The following ATP10B variants were observed in gnomAD, a reference collection of about 807,000 sequenced individuals.
The protein encoded by ATP10B is ATPase phospholipid transporting 10B (putative).
In ATP10B, 122 loss-of-function variants were observed where a neutral mutation model predicts 141.2. That is an observed-to-expected ratio of 0.86 (90% CI 0.75 to 1.00). The LOEUF (loss-of-function observed/expected upper bound fraction) is 1.00, where lower values mean the gene tolerates loss of function less well. Among genes scored for constraint, ATP10B ranks in the 50% least tolerant of loss-of-function variants. ATP10B has a pLI of 0.00. For synonymous variants in ATP10B, 685 were observed against 692.0 expected, an observed-to-expected ratio of 0.99 and a Z score of 0.16; for missense variants, 1,876 against 1,825.3, an observed-to-expected ratio of 1.03 and a Z score of -0.51.
Position 160,644,141 on chromosome 5 carries a change from C to T in ATP10B, c.865G>A (p.Ala289Thr), listed in dbSNP as rs1307990580. ...AAGAAACTACCCAGACAATGACCTG[C>T]ATAGATGACAATGCCAACAGCCATC... is the stretch of plus-strand genomic sequence containing the variant. ...TEMAVGIVIYAGHETKAMLNN... is the reference protein window; with the variant it reads ...TEMAVGIVIYTGHETKAMLNN... Residue 289 changes from alanine (A) to threonine (T), a missense_variant, in exon 9 of 26, where the codon GCA becomes ACA. Transcript: ENST00000327245. The T allele has an allele frequency of 6.8e-6, 11 of 1,613,218 alleles. No homozygotes were observed. The highest frequency in any genetic ancestry group is 7.6e-6 in the Non-Finnish European group (9 of 1,179,284).
intron 1 of ATP10B, among the ~76,000 whole-genome samples, chr5:160,798,742 CTATTTT>C (rs1290441663): frequency 7.7e-6 from 1 of 130,402 alleles, no homozygotes; most frequent in Admixed American, 8.0e-5. Flanking sequence ...GACTTTTTCT[CTATTTT>C]TTTTTTTTTT....
chr5:160,841,312 C>T (rs2127986748), intron 1 of ATP10B, among the ~76,000 whole-genome samples: 1 of 151,972 alleles, frequency 6.6e-6, no homozygotes, highest in Non-Finnish European at 1.5e-5. Context: ...AAGCAAATTG[C>T]AAAGAAGCTT....
chr5:160,874,143 G>A, the ATP10B span, among the ~76,000 whole-genome samples: 699 of 152,244 alleles, frequency 4.6e-3, 23 homozygotes, highest in Admixed American at 0.041. Flanking sequence ...CTGTCTGACA[G>A]CTTTGAAGAG....
At chr5:160,892,519 G>A in the ATP10B span, among the ~76,000 whole-genome samples, 1 of 152,132 alleles carries the variant, frequency 6.6e-6, no homozygotes, top group African/African-American at 2.4e-5. Flanking sequence ...GTGATTATTT[G>A]TTTACTTGGC....
At chr5:160,741,991 C>T (rs1222864905) in intron 2 of ATP10B, among the ~76,000 whole-genome samples, 2 of 152,158 alleles carry the variant, frequency 1.3e-5, no homozygotes, top group Non-Finnish European at 2.9e-5. Flanking sequence ...GGAAGAAATA[C>T]AGCTATGGAA....
In ATP10B at chr5:160,618,718, G is replaced by T. The variant is rs145380471; in HGVS notation, c.2417-745C>A. Among the ~76,000 whole-genome samples the T allele has an allele frequency of 2.0e-5, 3 of 152,220 alleles. No individual in the cohort carries two copies. In the East Asian group the frequency reaches 5.8e-4, roughly 29 times the overall value. On this transcript the variant is annotated intron_variant, in intron 15 of 25. Transcript: ENST00000327245. ...GTTCCTTTATCTAATTCTATAATAA[G>T]AATTTTTCAGCCAAGGTTGGCTGGT... is the stretch of plus-strand genomic sequence containing the variant.
the ATP10B span, among the ~76,000 whole-genome samples, chr5:160,870,027 C>G: frequency 6.6e-6 from 1 of 152,090 alleles, no homozygotes; most frequent in Non-Finnish European, 1.5e-5. Context: ...GTTAGCCAAC[C>G]AGGGCCTAAA....
chr5:160,845,053 C>T (rs2127989594), intron 1 of ATP10B, among the ~76,000 whole-genome samples: 1 of 152,242 alleles, frequency 6.6e-6, no homozygotes, highest in South Asian at 2.1e-4. Context: ...TGTGTACTTG[C>T]TTTTAATCAC....
chr5:160,818,501 A>G (rs2127957987), intron 1 of ATP10B, among the ~76,000 whole-genome samples: 1 of 152,342 alleles, frequency 6.6e-6, no homozygotes, highest in East Asian at 1.9e-4. Context: ...AGGAAACAAC[A>G]GGTGCTGGAA....
At chr5:160,723,435 C>G (rs961216648) in intron 2 of ATP10B, among the ~76,000 whole-genome samples, 1 of 152,308 alleles carries the variant, frequency 6.6e-6, no homozygotes, top group South Asian at 2.1e-4. Context: ...GCACCAGACA[C>G]AATTCTAAGC....
In ATP10B at chr5:160,663,814, GCAAA is replaced by G. The variant is rs771570083; in HGVS notation, c.675+6645_675+6648del. Among the ~76,000 whole-genome samples the G allele has an allele frequency of 5.9e-5, 9 of 151,978 alleles. No individual in the cohort carries two copies. The East Asian group carries it at 1.5e-3, about 26-fold the overall frequency. Reference sequence around the variant, plus strand: ...TAAAAAAAAATTTCCATTACAAAAAGCAAACAAACAAACCAAAGAACTATGCCCG... The same window carrying G: ...TAAAAAAAAATTTCCATTACAAAAAGCAAACAAACCAAAGAACTATGCCCG... On this transcript the variant is annotated intron_variant, in intron 7 of 25. Coordinates refer to ENST00000327245, the MANE Select transcript of ATP10B (RefSeq NM_025153.3).
the ATP10B span, among the ~76,000 whole-genome samples, chr5:160,915,158 G>A: frequency 1.3e-5 from 2 of 152,312 alleles, no homozygotes; most frequent in East Asian, 3.9e-4. Flanking sequence ...ATTAAATTAT[G>A]CCTTTAAAAG....
intron 6 of ATP10B, among the ~76,000 whole-genome samples, chr5:160,674,718 T>G (rs1156587377): frequency 6.6e-6 from 1 of 151,798 alleles, no homozygotes; most frequent in Non-Finnish European, 1.5e-5. Context: ...CTGGTAGGCA[T>G]CTAGGAATAA....
intron 1 of ATP10B, among the ~76,000 whole-genome samples, chr5:160,837,733 C>A (rs142200159): frequency 1.3e-5 from 2 of 152,074 alleles, no homozygotes; most frequent in African/African-American, 4.8e-5. Context: ...TATTATCCTG[C>A]GTTTTTCAAA....
At chr5:160,695,516 GTGTGTA>G (rs1053490633) in intron 3 of ATP10B, among the ~76,000 whole-genome samples, 9 of 143,340 alleles carry the variant, frequency 6.3e-5, no homozygotes, top group African/African-American at 2.4e-4. Context: ...GTGTGTGTGT[GTGTGTA>G]TGTGCTGTGT....
At chr5:160,693,841 G>C (rs1380473511) in intron 3 of ATP10B, among the ~76,000 whole-genome samples, 2 of 152,196 alleles carry the variant, frequency 1.3e-5, no homozygotes, top group African/African-American at 2.4e-5. Flanking sequence ...CTGACAGCAG[G>C]CAATGCTCGC....
At chr5:160,593,292 T>C (rs1483868999) in intron 22 of ATP10B, among the ~76,000 whole-genome samples, 1 of 152,214 alleles carries the variant, frequency 6.6e-6, no homozygotes, top group East Asian at 1.9e-4. Context: ...ACTGCTGCTG[T>C]TACCCAGGCA....
At position 160,732,308 on chromosome 5, in the gene ATP10B, A is replaced by G. The variant is rs138633805; in HGVS notation, c.-330-15274T>C. The stretch of plus-strand genomic sequence containing the variant: ...GAGTTAGTAAATCTGAAGATACAGC[A>G]ATAAAATTATCAATTTTTGCTTTTG... On this transcript the variant is annotated intron_variant, in intron 2 of 25. Transcript: ENST00000327245. Among the ~76,000 whole-genome samples, 196 of 152,334 alleles carry G rather than the reference A, an allele frequency of 1.3e-3. 1 individual carries two copies. In the East Asian group the frequency reaches 0.033, roughly 26 times the overall value.
At chr5:160,724,398 C>T (rs954786038) in intron 2 of ATP10B, among the ~76,000 whole-genome samples, 2 of 151,856 alleles carry the variant, frequency 1.3e-5, no homozygotes, top group African/African-American at 4.8e-5. Context: ...GCTGGAATTA[C>T]AGGAAGGGGC....
Sources: gnomAD v4.1 joint callset for allele counts (sites outside exome capture counted in the v4.1 genomes callset) on GRCh38, gnomAD v4.1.1 for gene constraint, MANE v1.5 for transcripts, NCBI Gene and HGNC (gene_info 2026-07-23, HGNC 2026-07-21) for gene names.